The following KCNMB4 variants were observed in gnomAD, a reference collection of about 807,000 sequenced individuals.
KCNMB4 encodes the protein potassium calcium-activated channel subfamily M regulatory beta subunit 4, also known as calcium-activated potassium channel subunit beta-4.
Under a neutral mutation model 20.7 loss-of-function variants are expected in KCNMB4, and 3 were observed. That is an observed-to-expected ratio of 0.14 (90% CI 0.07 to 0.37). KCNMB4 has a LOEUF of 0.37. KCNMB4 is among the 10% of genes least tolerant of loss of function. The pLI is 1.00. For synonymous variants in KCNMB4, 110 were observed against 113.4 expected, an observed-to-expected ratio of 0.97 and a Z score of 0.19; for missense variants, 168 against 265.9, an observed-to-expected ratio of 0.63 and a Z score of 2.56.
intron 1 of KCNMB4, among the ~76,000 whole-genome samples, chr12:70,391,564 C>T (rs77281917): frequency 0.12 from 17,742 of 152,180 alleles, 1,284 homozygotes; most frequent in Middle Eastern, 0.22. Context: ...CCTTGGCCTC[C>T]GAAGGCTCTA....
chr12:70,368,379 A>C (rs1368072996), intron 1 of KCNMB4, among the ~76,000 whole-genome samples: 1 of 147,904 alleles, frequency 6.8e-6, no homozygotes, highest in East Asian at 2.0e-4. Flanking sequence ...GACTCCTCTC[A>C]AAAAAAAAAT....
chr12:70,366,666 G>T lies in KCNMB4; in HGVS notation c.-69G>T. On this transcript the variant is annotated 5_prime_UTR_variant, in exon 1 of 3. Transcript: ENST00000258111. Reference sequence around the variant, plus strand: ...GCGGCGGCGGCTCCTCCCGCCCGAGGCAGTCGGGCTCGGCGCCGGGGGCGG... The same window carrying T: ...GCGGCGGCGGCTCCTCCCGCCCGAGTCAGTCGGGCTCGGCGCCGGGGGCGG... The T allele has an allele frequency of 8.0e-7, 1 of 1,252,936 alleles. No homozygotes were observed. Among genetic ancestry groups the T allele is most frequent in the South Asian group, 2.2e-5 (1 of 46,274 alleles). The allele number at this position is 1,252,936 out of a possible 1,614,324, so 77.6% of individuals were successfully genotyped here.
At chr12:70,410,203 G>T (rs1391503354) in intron 2 of KCNMB4, among the ~76,000 whole-genome samples, 1 of 152,170 alleles carries the variant, frequency 6.6e-6, no homozygotes, top group East Asian at 1.9e-4. Flanking sequence ...AGTTTCCTTT[G>T]CAGAAGTGGG....
chr12:70,378,330 G>A (rs1883724139), intron 1 of KCNMB4, among the ~76,000 whole-genome samples: 1 of 151,958 alleles, frequency 6.6e-6, no homozygotes, highest in African/African-American at 2.4e-5. Flanking sequence ...TTGATGTCTT[G>A]AACACCACAA....
intron 2 of KCNMB4, among the ~76,000 whole-genome samples, chr12:70,409,565 CT>C (rs1415682608): frequency 1.3e-5 from 2 of 152,138 alleles, no homozygotes; most frequent in Non-Finnish European, 2.9e-5. Flanking sequence ...CGGTCCTTGC[CT>C]TCATGGAGCC....
intron 1 of KCNMB4, among the ~76,000 whole-genome samples, chr12:70,386,354 A>G (rs1868255646): frequency 6.6e-6 from 1 of 152,114 alleles, no homozygotes; most frequent in African/African-American, 2.4e-5. Flanking sequence ...TTTTTTATGT[A>G]GTAAATGTAC....
chr12:70,377,062 A>G (rs1328510154), intron 1 of KCNMB4, among the ~76,000 whole-genome samples: 3 of 152,170 alleles, frequency 2.0e-5, no homozygotes, highest in Admixed American at 2.0e-4. Flanking sequence ...AAGACCCAAT[A>G]TTGTTAAGAT....
intron 2 of KCNMB4, among the ~76,000 whole-genome samples, chr12:70,407,688 C>G (rs1050798186): frequency 6.6e-6 from 1 of 151,338 alleles, no homozygotes; most frequent in Non-Finnish European, 1.5e-5. Flanking sequence ...AGGATGGTCT[C>G]GATCTCCTGA....
intron 1 of KCNMB4, 136 bp downstream of exon 1, chr12:70,367,206 A>T (rs1344595052): frequency 1.1e-5 from 7 of 638,704 alleles, no homozygotes; most frequent in Non-Finnish European, 2.5e-6. Flanking sequence ...GGCTGTGCTC[A>T]AACCAGGAAT....
At chr12:70,373,446 T>C (rs1437379029) in intron 1 of KCNMB4, among the ~76,000 whole-genome samples, 1 of 152,140 alleles carries the variant, frequency 6.6e-6, no homozygotes, top group Non-Finnish European at 1.5e-5. Flanking sequence ...AAAAAAAGCA[T>C]GTAGACTCCT....
At chr12:70,428,013 T>A (rs1869257281) in intron 2 of KCNMB4, among the ~76,000 whole-genome samples, 1 of 152,122 alleles carries the variant, frequency 6.6e-6, no homozygotes, top group Admixed American at 6.5e-5. Context: ...TTTTTTAACA[T>A]CAAAACCATT....
intron 1 of KCNMB4, among the ~76,000 whole-genome samples, chr12:70,369,995 G>A (rs1021540934): frequency 2.0e-5 from 3 of 152,104 alleles, no homozygotes; most frequent in African/African-American, 7.2e-5. Context: ...GTATATGCTA[G>A]GAGCTTTGGT....
chr12:70,395,586 A>G (rs1352865894), intron 1 of KCNMB4, among the ~76,000 whole-genome samples: 1 of 152,224 alleles, frequency 6.6e-6, no homozygotes, highest in African/African-American at 2.4e-5. Context: ...AGTAATAATA[A>G]GTACGTAATC....
intron 1 of KCNMB4, among the ~76,000 whole-genome samples, chr12:70,369,756 A>G (rs1035039522): frequency 6.6e-6 from 1 of 152,242 alleles, no homozygotes; most frequent in Non-Finnish European, 1.5e-5. Flanking sequence ...TTTGACTAAT[A>G]ATTTCTTTAA....
intron 1 of KCNMB4, among the ~76,000 whole-genome samples, chr12:70,389,523 G>A (rs1300158872): frequency 6.6e-6 from 1 of 152,030 alleles, no homozygotes; most frequent in Non-Finnish European, 1.5e-5. Context: ...TTGAGAATCT[G>A]TCTCTACAAA....
At chr12:70,374,417 T>C (rs1883651142) in intron 1 of KCNMB4, among the ~76,000 whole-genome samples, 1 of 152,202 alleles carries the variant, frequency 6.6e-6, no homozygotes, top group African/African-American at 2.4e-5. Context: ...TTACCATAAT[T>C]ACTCACAGTA....
chr12:70,415,129 T>C (rs1371013756), intron 2 of KCNMB4, among the ~76,000 whole-genome samples: 1 of 152,230 alleles, frequency 6.6e-6, no homozygotes, highest in Non-Finnish European at 1.5e-5. Flanking sequence ...ACTCATTGAA[T>C]CTGCACAACA....
At chr12:70,386,414 A>G (rs1232926952) in intron 1 of KCNMB4, among the ~76,000 whole-genome samples, 1 of 151,274 alleles carries the variant, frequency 6.6e-6, no homozygotes, top group Non-Finnish European at 1.5e-5. Context: ...TTGTGAGACA[A>G]TTTTTTTTTA....
Position 70,376,522 on chromosome 12 carries a change from A to G in KCNMB4, c.336+9452A>G, listed in dbSNP as rs183724425. Among the ~76,000 whole-genome samples the G allele has an allele frequency of 3.3e-5, 5 of 152,262 alleles. No individual in the cohort carries two copies. The East Asian group carries it at 9.6e-4, about 29-fold the overall frequency. ...GCAGGATACAATATCAATATACAAA[A>G]ATTAATTATATTTTTATACACTAGG... On this transcript the variant is annotated intron_variant, in intron 1 of 2. Coordinates refer to ENST00000258111, the MANE Select transcript of KCNMB4 (RefSeq NM_014505.6).
Sources: gnomAD v4.1 joint callset for allele counts (sites outside exome capture counted in the v4.1 genomes callset) on GRCh38, gnomAD v4.1.1 for gene constraint, MANE v1.5 for transcripts, NCBI Gene and HGNC (gene_info 2026-07-23, HGNC 2026-07-21) for gene names.